The following DET1 variants were observed in gnomAD, a reference collection of about 807,000 sequenced individuals.
DET1 encodes the protein DET1 partner of COP1 E3 ubiquitin ligase, also known as DET1 homolog.
DET1 carries 22 observed loss-of-function variants against 43.7 expected under a neutral mutation model. The ratio of observed to expected loss-of-function variants is 0.50; its 90% CI spans 0.36 to 0.72. The LOEUF is 0.72. DET1 is among the 30% of genes least tolerant of loss of function. The probability of loss-of-function intolerance (pLI) is 0.00; values close to 1 mark genes in which losing one functional copy is unlikely to be tolerated. For synonymous variants in DET1, 315 were observed against 266.2 expected (o/e 1.18, Z -1.79); for missense variants, 713 against 713.3 (o/e 1.00, Z 0.00).
Position 88,516,996 on chromosome 15 carries a change from A to G in DET1, c.1272-23T>C. 6.5e-7 allele frequency: 1 copy of G among 1,540,538 alleles called. No homozygotes were observed. ...AACCTAAATGAAAGGACCGGTGAGG[A>G]AGGCTTTGTTAGTGAGTACACAAAG... is the stretch of plus-strand genomic sequence containing the variant. On this transcript the variant is annotated intron_variant, in intron 3 of 4. Transcript: ENST00000268148. The surrounding 1 kb of genome is among the most constrained non-coding windows in gnomAD (Gnocchi z 4.4).
chr15:88,545,460 GCAA>G (rs1360499541), intron 1 of DET1, among the ~76,000 whole-genome samples: 1 of 152,076 alleles, frequency 6.6e-6, no homozygotes, highest in Non-Finnish European at 1.5e-5. Flanking sequence ...ATCTAGATAG[GCAA>G]CAACAGGAAC....
chr15:88,520,113 C>A (rs1400379197), intron 3 of DET1, among the ~76,000 whole-genome samples: 3 of 152,212 alleles, frequency 2.0e-5, no homozygotes, highest in African/African-American at 7.2e-5. Flanking sequence ...CTCTCATACA[C>A]TTAAGCAGTT....
At position 88,531,116 on chromosome 15, in the gene DET1, T is replaced by C; in HGVS notation, c.590A>G (p.Asp197Gly). Residue 197 changes from aspartate (D) to glycine (G), a missense_variant, in exon 2 of 5, where the codon GAC (aspartate) becomes GGC (glycine). By Grantham distance (94) the Asp-to-Gly change is moderately conservative. Coordinates refer to ENST00000268148, the MANE Select transcript of DET1 (RefSeq NM_001144074.3). The surrounding 1 kb of genome is among the most constrained non-coding windows in gnomAD (Gnocchi z 6.2). ...ATCACATAAGCGGCCGGTGTGAAGG[T>C]CAATGATATGGAGGGAATAGTCTTC... is the stretch of plus-strand genomic sequence containing the variant. Reference protein sequence around the residue: ...PLEDYSLHIIDLHTGRLCDTR... With the variant: ...PLEDYSLHIIGLHTGRLCDTR... 6.2e-7 allele frequency: 1 copy of C among 1,613,890 alleles called. No homozygotes were observed. The highest frequency in any genetic ancestry group is 8.5e-7 in the Non-Finnish European group (1 of 1,179,860).
At chr15:88,545,334 C>T (rs1319844185) in intron 1 of DET1, among the ~76,000 whole-genome samples, 12 of 152,142 alleles carry the variant, frequency 7.9e-5, no homozygotes, top group Admixed American at 7.9e-4. Flanking sequence ...CCAAGCCAAT[C>T]GGGCCTTTAA....
At chr15:88,510,888 C>T (rs1038919910), downstream of DET1, among the ~76,000 whole-genome samples, 1 of 151,864 alleles carries the variant, frequency 6.6e-6, no homozygotes, top group Non-Finnish European at 1.5e-5. Flanking sequence ...ATTCTCCTGC[C>T]TCAGCCTCCA....
chr15:88,528,287 T>C (rs28594166), intron 2 of DET1, among the ~76,000 whole-genome samples: 10,624 of 152,210 alleles, frequency 0.07, 1,256 homozygotes, highest in African/African-American at 0.24. Context: ...AAGTGTACAG[T>C]TGAAAGTTCA....
intron 1 of DET1, among the ~76,000 whole-genome samples, chr15:88,532,920 C>G (rs1474869369): frequency 2.0e-5 from 3 of 152,048 alleles, no homozygotes; most frequent in Non-Finnish European, 4.4e-5. Flanking sequence ...CATAGGCGAC[C>G]AAGACAAAAA....
Position 88,527,663 on chromosome 15 carries a change from G to C in DET1, c.1207C>G (p.His403Asp). The C allele has an allele frequency of 6.2e-7, 1 of 1,613,698 alleles. No individual in the cohort carries two copies. The highest frequency in any genetic ancestry group is 8.5e-7 in the Non-Finnish European group (1 of 1,179,744). Residue 403 changes from histidine (H) to aspartate (D), a missense_variant, in exon 3 of 5, where the codon CAC becomes GAC. By Grantham distance (81) the His-to-Asp change is moderately conservative. Coordinates refer to ENST00000268148, the MANE Select transcript of DET1 (RefSeq NM_001144074.3). Reference sequence around the variant, plus strand: ...GAGCAGGGAAACTGAACTTCACTGTGCAGGGTAGCATTACGAAAAAGGTCA... The same window carrying C: ...GAGCAGGGAAACTGAACTTCACTGTCCAGGGTAGCATTACGAAAAAGGTCA... ...FCDLFRNATL[H>D]SEVQFPCSAS...
chr15:88,510,662 G>A (rs1040459583), downstream of DET1, among the ~76,000 whole-genome samples: 20 of 151,942 alleles, frequency 1.3e-4, no homozygotes, highest in Admixed American at 5.2e-4. Context: ...AGGTAAACCC[G>A]TCATCAGATA....
chr15:88,508,018 C>T (rs1205647039), downstream of DET1, among the ~76,000 whole-genome samples: 2 of 152,122 alleles, frequency 1.3e-5, no homozygotes, highest in African/African-American at 2.4e-5. Flanking sequence ...GAGCGCAAAC[C>T]GTATTGTGAA....
intron 1 of DET1, among the ~76,000 whole-genome samples, chr15:88,536,918 G>C (rs1332656801): frequency 1.3e-5 from 2 of 152,104 alleles, no homozygotes; most frequent in Non-Finnish European, 2.9e-5. Context: ...TGAGTGATAA[G>C]AGAGGCCTAG....
chr15:88,522,512 G>GATTTTTTTTTTTTT (rs2056519836), intron 3 of DET1, among the ~76,000 whole-genome samples: 1 of 80,258 alleles, frequency 1.2e-5, no homozygotes, highest in Admixed American at 1.5e-4. Context: ...AATGTTCCTG[G>GATTTTTTTTTTTTT]TTTTTTTTTT....
intron 3 of DET1, among the ~76,000 whole-genome samples, chr15:88,518,354 T>A (rs571379223): frequency 7.2e-4 from 109 of 152,278 alleles, no homozygotes; most frequent in African/African-American, 2.5e-3. Flanking sequence ...ACAGCATTGT[T>A]TATAGAGGAA....
At chr15:88,537,612 T>G (rs1056821414) in intron 1 of DET1, among the ~76,000 whole-genome samples, 1 of 152,218 alleles carries the variant, frequency 6.6e-6, no homozygotes, top group African/African-American at 2.4e-5. Context: ...GATGAAGATC[T>G]TACTTATGTT....
chr15:88,511,182 A>G (rs1474802795), downstream of DET1, among the ~76,000 whole-genome samples: 1 of 151,660 alleles, frequency 6.6e-6, no homozygotes, highest in African/African-American at 2.4e-5. Context: ...CAGCATTCAC[A>G]CCCTCCTGTT....
chr15:88,521,004 A>G (rs1283367657), intron 3 of DET1, among the ~76,000 whole-genome samples: 1 of 152,032 alleles, frequency 6.6e-6, no homozygotes, highest in East Asian at 1.9e-4. Context: ...AGACTACATC[A>G]CTCCTCTGCT....
intron 1 of DET1, among the ~76,000 whole-genome samples, chr15:88,539,009 G>T (rs1054382464): frequency 4.6e-5 from 7 of 152,064 alleles, no homozygotes; most frequent in Admixed American, 3.9e-4. Flanking sequence ...GGTTTAGGTG[G>T]GAAGTGGTCC....
chr15:88,502,383 T>C (rs567971616), intron 8 of DET1: 16 of 152,268 alleles, frequency 1.1e-4, no homozygotes, highest in African/African-American at 3.9e-4. Flanking sequence ...TAAGAGACAG[T>C]CTGTCTCTCT....
At chr15:88,509,903 T>G (rs759682361), downstream of DET1, among the ~76,000 whole-genome samples, 1 of 152,170 alleles carries the variant, frequency 6.6e-6, no homozygotes, top group Non-Finnish European at 1.5e-5. Flanking sequence ...AATACCACAG[T>G]GAATGGCAAA....
Sources: gnomAD v4.1 joint callset for allele counts (sites outside exome capture counted in the v4.1 genomes callset) on GRCh38, gnomAD v4.1.1 for gene constraint, Gnocchi (gnomAD v3.1) non-coding constraint, MANE v1.5 for transcripts, NCBI Gene and HGNC (gene_info 2026-07-23, HGNC 2026-07-21) for gene names.